AP3B1: variants seen among roughly 807,000 people sequenced by gnomAD.
AP3B1 encodes AP-3 complex subunit beta-1.
AP3B1 carries 61 observed loss-of-function variants against 132.5 expected under a neutral mutation model. That is an observed-to-expected ratio of 0.46 (90% CI 0.37 to 0.57). The LOEUF is 0.57. AP3B1 is among the 20% of genes least tolerant of loss of function. AP3B1 has a pLI of 0.00. For synonymous variants in AP3B1, 388 were observed against 438.3 expected, an observed-to-expected ratio of 0.89 and a Z score of 1.43; for missense variants, 1,120 against 1,289.4, an observed-to-expected ratio of 0.87 and a Z score of 2.01.
intron 6 of AP3B1, among the ~76,000 whole-genome samples, chr5:78,224,418 T>A (rs1184474067): frequency 6.6e-6 from 1 of 151,696 alleles, no homozygotes; most frequent in African/African-American, 2.4e-5. Context: ...TCACTTAATC[T>A]AAGAAAAAGC....
At chr5:78,294,387 G>C (rs1580606809) in intron 1 of AP3B1, 65 bp downstream of exon 1, 1 of 1,610,172 alleles carries the variant, frequency 6.2e-7, no homozygotes, top group African/African-American at 1.3e-5. Context: ...GCCCACCCTG[G>C]CGCCCACTCC....
At chr5:78,163,043 T>A (rs985886738) in intron 12 of AP3B1, 92 bp from the exon 13 acceptor site, 2 of 1,202,104 alleles carry the variant, frequency 1.7e-6, no homozygotes, top group African/African-American at 3.0e-5. Flanking sequence ...ATATAAGAAT[T>A]CCAGAATACA....
intron 2 of AP3B1, among the ~76,000 whole-genome samples, chr5:78,252,750 A>T (rs751227026): frequency 7.2e-5 from 11 of 151,948 alleles, no homozygotes; most frequent in Non-Finnish European, 4.4e-5. Flanking sequence ...CTAGTCCCTG[A>T]CTCCCAGGGC....
At chr5:78,189,077 C>G (rs531560863) in intron 7 of AP3B1, among the ~76,000 whole-genome samples, 1 of 151,904 alleles carries the variant, frequency 6.6e-6, no homozygotes, top group South Asian at 2.1e-4. Flanking sequence ...CCTGTCAGGG[C>G]AGGGTTAGTG....
At position 78,240,850 on chromosome 5, in the gene AP3B1, T is replaced by C; in HGVS notation, c.279+12A>G. 1 of 1,585,324 alleles carries C rather than the reference T, an allele frequency of 6.3e-7. No homozygotes were observed. Among genetic ancestry groups the C allele is most frequent in the Non-Finnish European group, 8.7e-7 (1 of 1,154,026 alleles). On this transcript the variant is annotated intron_variant, in intron 3 of 26. Coordinates refer to ENST00000255194, the MANE Select transcript of AP3B1 (RefSeq NM_003664.5). ...CAAAAGGAATCATAAAAATTATAGA[T>C]CAAAACAGTACCTCAATATTTTTAC...
chr5:78,073,959 GT>G (rs1749656714), intron 22 of AP3B1, among the ~76,000 whole-genome samples: 1 of 152,036 alleles, frequency 6.6e-6, no homozygotes, highest in African/African-American at 2.4e-5. Context: ...GGTGACCTGG[GT>G]TTTTTGCCAC....
intron 2 of AP3B1, among the ~76,000 whole-genome samples, chr5:78,250,560 A>T (rs1239387594): frequency 6.6e-6 from 1 of 152,182 alleles, no homozygotes; most frequent in African/African-American, 2.4e-5. Flanking sequence ...GAAATTCTGG[A>T]AAAATAAAGA....
At chr5:78,082,505 A>G (rs1406309523) in intron 22 of AP3B1, among the ~76,000 whole-genome samples, 2 of 152,252 alleles carry the variant, frequency 1.3e-5, no homozygotes, top group Non-Finnish European at 2.9e-5. Flanking sequence ...TCATAACAAA[A>G]AAAGTGTTTG....
intron 22 of AP3B1, among the ~76,000 whole-genome samples, chr5:78,064,778 T>C (rs895254501): frequency 6.6e-6 from 1 of 152,208 alleles, no homozygotes; most frequent in Non-Finnish European, 1.5e-5. Flanking sequence ...TAATCCCCAT[T>C]TTACTGTCTT....
Position 78,016,424 on chromosome 5 carries a change from T to C in AP3B1, c.2993-876A>G, listed in dbSNP as rs192538337. Among the ~76,000 whole-genome samples, 104 of 152,108 alleles carry C rather than the reference T, an allele frequency of 6.8e-4. 1 individual carries two copies. The highest frequency in any genetic ancestry group is 2.5e-3 in the African/African-American group (103 of 41,524). Reference sequence around the variant, plus strand: ...TGCCCGGGTTAAAAAACAAATTAATTACAACAAATGCCATCTATTTGGATC... The same window carrying C: ...TGCCCGGGTTAAAAAACAAATTAATCACAACAAATGCCATCTATTTGGATC... On this transcript the variant is annotated intron_variant, in intron 25 of 26. Transcript: ENST00000255194.
In AP3B1 at chr5:78,113,824, C is replaced by T; in HGVS notation, c.2177G>A (p.Ser726Asn). 2 of 1,614,236 alleles carry T rather than the reference C, an allele frequency of 1.2e-6. No homozygotes were observed. The highest frequency in any genetic ancestry group is 1.7e-6 in the Non-Finnish European group (2 of 1,180,042). Residue 726 changes from serine (S) to asparagine (N), a missense_variant, in exon 19 of 27, where the codon AGT (serine) becomes AAT (asparagine). By Grantham distance (46) the Ser-to-Asn change is conservative. Around this residue, in one of 3 missense-constraint regions of AP3B1, gnomAD observed 906 missense variants for 997.1 expected, o/e 0.91. Transcript: ENST00000255194. ...SSEDSSSEQD[S>N]ESGRESGLEN... Reference sequence around the variant, plus strand: ...TAGGCCTGACTCCCGTCCACTCTCACTGTCCTGCTCACTGGAGGAGTCCTC... The same window carrying T: ...TAGGCCTGACTCCCGTCCACTCTCATTGTCCTGCTCACTGGAGGAGTCCTC...
At chr5:78,262,836 C>A (rs755593074) in intron 2 of AP3B1, among the ~76,000 whole-genome samples, 1 of 150,828 alleles carries the variant, frequency 6.6e-6, no homozygotes, top group Non-Finnish European at 1.5e-5. Context: ...TAATTTTTTT[C>A]TTATTATTAG....
intron 22 of AP3B1, among the ~76,000 whole-genome samples, chr5:78,058,568 T>C (rs1748912944): frequency 6.6e-6 from 1 of 152,192 alleles, no homozygotes; most frequent in Admixed American, 6.5e-5. Flanking sequence ...ATATAAGTGT[T>C]AAATTTCCTG....
chr5:78,127,538 T>C lies in AP3B1; in HGVS notation c.1968+492A>G, dbSNP rs183655449. On this transcript the variant is annotated intron_variant, in intron 17 of 26. Coordinates refer to ENST00000255194, the MANE Select transcript of AP3B1 (RefSeq NM_003664.5). ...CACCATATTATTCACTTTGTGACCT[T>C]GTCAAAGGACATTTTTGGTACACAA... Among the ~76,000 whole-genome samples, 220 of 152,320 alleles carry C rather than the reference T, an allele frequency of 1.4e-3. 1 individual carries two copies. The highest frequency in any genetic ancestry group is 5.1e-3 in the African/African-American group (213 of 41,580).
chr5:78,021,837 T>C (rs910500558), intron 24 of AP3B1, among the ~76,000 whole-genome samples: 3 of 152,130 alleles, frequency 2.0e-5, no homozygotes, highest in Admixed American at 6.5e-5. Flanking sequence ...TGAGAGAGTG[T>C]TGAGTAACTA....
chr5:78,085,336 T>C (rs1266234214), intron 22 of AP3B1, among the ~76,000 whole-genome samples: 1 of 152,228 alleles, frequency 6.6e-6, no homozygotes, highest in East Asian at 1.9e-4. Context: ...TATTATCATC[T>C]ATATTTCCTC....
chr5:78,106,962 T>A (rs1228861781), intron 20 of AP3B1, among the ~76,000 whole-genome samples: 2 of 152,194 alleles, frequency 1.3e-5, no homozygotes, highest in African/African-American at 4.8e-5. Context: ...CTGAAAGATG[T>A]TACCATGGAA....
chr5:78,288,890 C>A (rs1171379946), intron 1 of AP3B1, among the ~76,000 whole-genome samples: 1 of 142,066 alleles, frequency 7.0e-6, no homozygotes. Context: ...CTAGGATAAG[C>A]AAAAAGAAAG....
chr5:78,259,135 C>T (rs143610170), intron 2 of AP3B1, among the ~76,000 whole-genome samples: 1,530 of 151,984 alleles, frequency 0.01, 27 homozygotes, highest in African/African-American at 0.034. Flanking sequence ...GTAGTCCCAG[C>T]TACTTGGGAG....
Sources: allele counts gnomAD v4.1 joint callset (sites outside exome capture counted in the v4.1 genomes callset), GRCh38; gene constraint gnomAD v4.1.1; regional missense constraint gnomAD v4.1.1; transcripts MANE v1.5; gene names NCBI Gene and HGNC (gene_info 2026-07-23, HGNC 2026-07-21).